NRG1: variants seen among roughly 807,000 people sequenced by gnomAD.
The protein encoded by NRG1 is neuregulin 1.
NRG1 carries 18 observed loss-of-function variants against 63.8 expected under a neutral mutation model. The observed-to-expected ratio is 0.28, with a 90% confidence interval of 0.19 to 0.42. The LOEUF is 0.42. Ranked by LOEUF, NRG1 falls within the 10% of genes least tolerant of loss-of-function variation. NRG1 has a pLI of 1.00. For synonymous variants in NRG1, 302 were observed against 301.3 expected (o/e 1.00, Z -0.02); for missense variants, 762 against 814.7 (o/e 0.94, Z 0.79).
rs150264287 is a variant in NRG1 at position 32,659,775 on chromosome 8, C to A, written c.502+42890C>A. ...CATGTTTTAGCCAACTAGAACTCGA[C>A]CCTGAATATTATTTTTTCTCTTCCA... On this transcript the variant is annotated intron_variant, in intron 5 of 11. Transcript: ENST00000356819. Among the ~76,000 whole-genome samples the A allele has an allele frequency of 4.2e-3, 641 of 152,186 alleles. 2 individuals carry two copies. The highest frequency in any genetic ancestry group is 0.015 in the South Asian group (71 of 4,814).
At chr8:32,375,511 A>C (rs1809509052) in intron 1 of NRG1, among the ~76,000 whole-genome samples, 1 of 152,152 alleles carries the variant, frequency 6.6e-6, no homozygotes, top group Non-Finnish European at 1.5e-5. Context: ...TTTGATCAGG[A>C]GAGAAGATGT....
At chr8:32,666,738 C>T (rs528152049) in intron 5 of NRG1, among the ~76,000 whole-genome samples, 27 of 152,204 alleles carry the variant, frequency 1.8e-4, no homozygotes, top group Non-Finnish European at 3.5e-4. Flanking sequence ...CAGACTTTGT[C>T]ATCTTGCAAA....
chr8:32,662,648 G>A (rs981360692), intron 5 of NRG1, among the ~76,000 whole-genome samples: 1 of 152,118 alleles, frequency 6.6e-6, no homozygotes. Flanking sequence ...GTTGTAGGAG[G>A]GAATGTAAAG....
intron 1 of NRG1, among the ~76,000 whole-genome samples, chr8:31,793,590 G>A (rs1319157529): frequency 6.6e-6 from 1 of 152,172 alleles, no homozygotes; most frequent in African/African-American, 2.4e-5. Flanking sequence ...GTAGTTATTG[G>A]AATTACTTGA....
chr8:32,528,686 G>T (rs964294197), intron 1 of NRG1, among the ~76,000 whole-genome samples: 6 of 152,016 alleles, frequency 3.9e-5, no homozygotes, highest in African/African-American at 7.3e-5. Context: ...AAGGGGGTTT[G>T]GTTCTTGTCA....
intron 1 of NRG1, among the ~76,000 whole-genome samples, chr8:31,782,005 C>T (rs1013624358): frequency 1.3e-5 from 2 of 152,120 alleles, no homozygotes; most frequent in Non-Finnish European, 2.9e-5. Context: ...TCTCCCAAGG[C>T]TTTCACTGCA....
intron 1 of NRG1, among the ~76,000 whole-genome samples, chr8:31,809,691 C>T (rs1463813868): frequency 2.7e-5 from 4 of 145,630 alleles, no homozygotes; most frequent in Non-Finnish European, 6.0e-5. Flanking sequence ...ATCCCTTAAG[C>T]TAGTTCATTA....
chr8:31,808,200 A>T (rs1231426604), intron 1 of NRG1, among the ~76,000 whole-genome samples: 1 of 151,934 alleles, frequency 6.6e-6, no homozygotes, highest in African/African-American at 2.4e-5. Context: ...ATCAGGTTGT[A>T]TATTTACATA....
chr8:31,660,711 T>C (rs1805906086), intron 1 of NRG1, among the ~76,000 whole-genome samples: 1 of 152,226 alleles, frequency 6.6e-6, no homozygotes, highest in African/African-American at 2.4e-5. Flanking sequence ...CACTTTTCCT[T>C]GGAAGAAGTG....
intron 7 of NRG1, 94 bp from the exon 8 acceptor site, chr8:32,754,278 G>C: frequency 1.0e-6 from 1 of 998,232 alleles, no homozygotes; most frequent in Non-Finnish European, 1.6e-6. Flanking sequence ...TTGTGAACAT[G>C]GACAATGTCA....
chr8:32,445,827 T>G (rs1394179122), intron 1 of NRG1, among the ~76,000 whole-genome samples: 1 of 152,058 alleles, frequency 6.6e-6, no homozygotes, highest in Non-Finnish European at 1.5e-5. Context: ...TTGTCTAAAA[T>G]TTGGCTCTAA....
intron 5 of NRG1, among the ~76,000 whole-genome samples, chr8:32,701,497 A>T (rs903143242): frequency 2.0e-5 from 3 of 152,162 alleles, no homozygotes; most frequent in African/African-American, 7.2e-5. Flanking sequence ...GGGCCAGCAT[A>T]TTTGAAGGTG....
chr8:32,055,877 G>A (rs977964317), intron 1 of NRG1, among the ~76,000 whole-genome samples: 1 of 152,100 alleles, frequency 6.6e-6, no homozygotes, highest in Non-Finnish European at 1.5e-5. Flanking sequence ...GGTGAGAACT[G>A]TGTCTTTGCT....
rs746629912 is a variant in NRG1 at position 32,655,162 on chromosome 8, C to CTTTG, written c.502+38280_502+38283dup. On this transcript the variant is annotated intron_variant, in intron 5 of 11. Coordinates refer to ENST00000356819, the Ensembl canonical transcript of NRG1. ...CATTCTATTTTAACTCCCTGCCTCA[C>CTTTG]TTTGTTCTTTTTCTCCTTTGATCTT... Among the ~76,000 whole-genome samples, 14 of 152,160 alleles carry CTTTG rather than the reference C, an allele frequency of 9.2e-5. No homozygotes were observed. In the East Asian group the frequency reaches 9.6e-4, roughly 10 times the overall value.
chr8:32,292,844 G>A lies in NRG1; in HGVS notation c.38-302984G>A, dbSNP rs368069824. Among the ~76,000 whole-genome samples the A allele has an allele frequency of 3.4e-4, 51 of 152,208 alleles. 1 individual carries two copies. The highest frequency in any genetic ancestry group is 1.2e-3 in the African/African-American group (49 of 41,538). ...AAATGGGCTGGGCTCGGTGGCTCACGCCTGTAATCCCAGCACCTTGGGAGG... is the reference window on the plus strand; with the variant it reads ...AAATGGGCTGGGCTCGGTGGCTCACACCTGTAATCCCAGCACCTTGGGAGG... On this transcript the variant is annotated intron_variant, in intron 1 of 10. Coordinates refer to the NRG1 transcript ENST00000519301.
intron 1 of NRG1, among the ~76,000 whole-genome samples, chr8:31,757,795 G>T (rs1366633473): frequency 6.6e-6 from 1 of 152,034 alleles, no homozygotes; most frequent in African/African-American, 2.4e-5. Context: ...GAGAGTTAAA[G>T]TATTAAGTTC....
At chr8:32,053,724 G>A (rs1464548790) in intron 1 of NRG1, among the ~76,000 whole-genome samples, 1 of 152,156 alleles carries the variant, frequency 6.6e-6, no homozygotes, top group Non-Finnish European at 1.5e-5. Context: ...AGAGTAGGTT[G>A]AATACATGAG....
At chr8:32,142,115 T>C (rs574019673) in intron 1 of NRG1, among the ~76,000 whole-genome samples, 1 of 152,308 alleles carries the variant, frequency 6.6e-6, no homozygotes, top group East Asian at 1.9e-4. Flanking sequence ...TTGCCTACCC[T>C]AAAACCCCAG....
intron 7 of NRG1, among the ~76,000 whole-genome samples, chr8:32,750,870 G>A (rs1828592745): frequency 6.6e-6 from 1 of 151,932 alleles, no homozygotes; most frequent in South Asian, 2.1e-4. Context: ...GTACTGAGGG[G>A]AGCTATCTAT....
Sources: gnomAD v4.1 joint callset for allele counts (sites outside exome capture counted in the v4.1 genomes callset) on GRCh38, gnomAD v4.1.1 for gene constraint, MANE v1.5 for transcripts, NCBI Gene and HGNC (gene_info 2026-07-23, HGNC 2026-07-21) for gene names.